PIP5KL1: variants seen among roughly 807,000 people sequenced by gnomAD.
The protein encoded by PIP5KL1 is phosphatidylinositol 4-phosphate 5-kinase-like protein 1.
In PIP5KL1, 45 loss-of-function variants were observed where a neutral mutation model predicts 47.6. The ratio of observed to expected loss-of-function variants is 0.94; its 90% CI spans 0.74 to 1.21. PIP5KL1 has a LOEUF of 1.21. Among genes scored for constraint, PIP5KL1 ranks in the 50% most tolerant of loss-of-function variants. The pLI is 0.00. For missense variants in PIP5KL1, 577 were observed against 547.6 expected, an observed-to-expected ratio of 1.05 and a Z score of -0.54; for synonymous variants, 256 against 234.6, an observed-to-expected ratio of 1.09 and a Z score of -0.84.
intron 9 of PIP5KL1, among the ~76,000 whole-genome samples, chr9:127,923,490 G>T (rs374579583): frequency 3.9e-5 from 6 of 152,376 alleles, no homozygotes; most frequent in Middle Eastern, 3.4e-3. Flanking sequence ...GAATGACAGC[G>T]GTGGCCTAAG....
In PIP5KL1 at chr9:127,929,930, A is replaced by G; in HGVS notation, c.31-45T>C. ...GACACAGCCTGTGGCAGCGTCACAG[A>G]GGAAAAAGATCAGGGTTCAAGTCCC... On this transcript the variant is annotated intron_variant, in intron 1 of 9. Coordinates refer to ENST00000388747, the MANE Select transcript of PIP5KL1 (RefSeq NM_001135219.2). This position sits in a 1 kb window ranked among gnomAD's most constrained non-coding sequence, Gnocchi z 4.0. 7.0e-7 allele frequency: 1 copy of G among 1,435,242 alleles called. No homozygotes were observed. Among genetic ancestry groups the G allele is most frequent in the South Asian group, 1.3e-5 (1 of 74,542 alleles). 88.9% of individuals were successfully genotyped at this position (1,435,242 alleles called of 1,614,324 possible). A position where few individuals can be genotyped will look rare whatever the true frequency, so the allele number is the denominator to read the frequency against.
At position 127,921,527 on chromosome 9, in the gene PIP5KL1, G is replaced by T; in HGVS notation, c.*320C>A. ...ACAGGCTCCGGAATCCAAAAGCCAT[G>T]GTTGAGTCCTGGTTCCAGCATTTAT... On this transcript the variant is annotated 3_prime_UTR_variant, in exon 10 of 10. Coordinates refer to ENST00000388747, the MANE Select transcript of PIP5KL1 (RefSeq NM_001135219.2). 1 of 272,172 alleles carries T rather than the reference G, an allele frequency of 3.7e-6. No homozygotes were observed. Among genetic ancestry groups the T allele is most frequent in the Non-Finnish European group, 7.0e-6 (1 of 142,760 alleles). 16.9% of individuals were successfully genotyped at this position (272,172 alleles called of 1,614,324 possible).
chr9:127,922,105 TTGCACAGACCTGGGGGCCGACA>T lies in PIP5KL1; in HGVS notation c.918-13_926del. ...TCGACTCTTCCGGGCTCTGTGCCCC[TTGCACAGACCTGGGGGCCGACA>T]GGAGGGTGAAGCTGCCAGCTCCTCC... On this transcript the variant is annotated splice_acceptor_variant and splice_polypyrimidine_tract_variant and coding_sequence_variant and intron_variant, in exon 10 of 10. Coordinates refer to ENST00000388747, the MANE Select transcript of PIP5KL1 (RefSeq NM_001135219.2). LOFTEE classifies it high-confidence loss of function. 1 of 1,527,596 alleles carries T rather than the reference TTGCACAGACCTGGGGGCCGACA, an allele frequency of 6.5e-7. No individual in the cohort carries two copies. The highest frequency in any genetic ancestry group is 8.8e-7 in the Non-Finnish European group (1 of 1,136,552). The allele number at this position is 1,527,596 out of a possible 1,614,324, so 94.6% of individuals were successfully genotyped here. A position where few individuals can be genotyped will look rare whatever the true frequency, so the allele number is the denominator to read the frequency against.
intron 7 of PIP5KL1, among the ~76,000 whole-genome samples, 188 bp downstream of exon 7, chr9:127,926,965 G>A (rs532250820): frequency 6.6e-6 from 1 of 152,312 alleles, no homozygotes; most frequent in South Asian, 2.1e-4. Context: ...GGCCCAACAC[G>A]GCGCCTAACG....
At chr9:127,930,608 T>G in intron 1 of PIP5KL1, 115 bp downstream of exon 1, 1 of 1,294,304 alleles carries the variant, frequency 7.7e-7, no homozygotes, top group Non-Finnish European at 1.0e-6. Context: ...CTTCGCCGGC[T>G]GCAGGGCCCC....
chr9:127,927,950 C>T lies in PIP5KL1; in HGVS notation c.434+115G>A. On this transcript the variant is annotated intron_variant, in intron 4 of 9. Coordinates refer to ENST00000388747, the MANE Select transcript of PIP5KL1 (RefSeq NM_001135219.2). This position sits in a 1 kb window ranked among gnomAD's most constrained non-coding sequence, Gnocchi z 5.5. ...GTCCACCATCCGGCCCTGACCCTCC[C>T]AGATTAGGGCCGCTCTGTTTCTCTC... 1 of 1,440,230 alleles carries T rather than the reference C, an allele frequency of 6.9e-7. No homozygotes were observed. The highest frequency in any genetic ancestry group is 9.2e-7 in the Non-Finnish European group (1 of 1,085,942). 89.2% of individuals were successfully genotyped at this position (1,440,230 alleles called of 1,614,324 possible). A position where few individuals can be genotyped will look rare whatever the true frequency, so the allele number is the denominator to read the frequency against.
In PIP5KL1 at chr9:127,927,059, G is replaced by C. The variant is rs1831372432; in HGVS notation, c.650+94C>G. The stretch of plus-strand genomic sequence containing the variant: ...CTTGGGAACGCCCCTTCTCCTTCCT[G>C]GGCCTCGGTTTCACCGTCTGGCTAG... On this transcript the variant is annotated intron_variant, in intron 7 of 9. Coordinates refer to ENST00000388747, the MANE Select transcript of PIP5KL1 (RefSeq NM_001135219.2). The surrounding 1 kb of genome is among the most constrained non-coding windows in gnomAD (Gnocchi z 5.5). The C allele has an allele frequency of 2.2e-6, 3 of 1,377,038 alleles. No individual in the cohort carries two copies. In the African/African-American group the frequency reaches 4.3e-5, roughly 20 times the overall value. 85.3% of individuals were successfully genotyped at this position (1,377,038 alleles called of 1,614,324 possible). A position where few individuals can be genotyped will look rare whatever the true frequency, so the allele number is the denominator to read the frequency against.
In PIP5KL1 at chr9:127,927,831, C is replaced by A; in HGVS notation, c.435-59G>T. On this transcript the variant is annotated intron_variant, in intron 4 of 9. Transcript: ENST00000388747. This position sits in a 1 kb window ranked among gnomAD's most constrained non-coding sequence, Gnocchi z 5.5. ...CCTGGCTGGAGCGGCTCCCACCCGG[C>A]CCCCTTCCCCGACCTGTGCACGTGG... 6.6e-7 allele frequency: 1 copy of A among 1,524,168 alleles called. No homozygotes were observed. The highest frequency in any genetic ancestry group is 8.8e-7 in the Non-Finnish European group (1 of 1,140,952). 94.4% of individuals were successfully genotyped at this position (1,524,168 alleles called of 1,614,324 possible).
rs141675738 is a variant in PIP5KL1, at chr9:127,928,238, C to T, written c.280-19G>A. ...CGAAGCCCTGCAGGGGAGGAAGAGCCTCCTCTGGAGTGTCTGCGTGGGCCC... is the reference window on the plus strand; with the variant it reads ...CGAAGCCCTGCAGGGGAGGAAGAGCTTCCTCTGGAGTGTCTGCGTGGGCCC... On this transcript the variant is annotated intron_variant, in intron 3 of 9. Transcript: ENST00000388747. The T allele has an allele frequency of 4.6e-4, 709 of 1,529,558 alleles. 4 individuals carry two copies. The African/African-American group carries it at 8.5e-3, about 18-fold the overall frequency. The allele number at this position is 1,529,558 out of a possible 1,614,324, so 94.7% of individuals were successfully genotyped here.
intron 9 of PIP5KL1, 86 bp downstream of exon 9, chr9:127,925,021 C>A: frequency 6.5e-7 from 1 of 1,530,430 alleles, no homozygotes; most frequent in Non-Finnish European, 8.9e-7. Flanking sequence ...GGCTGCACTG[C>A]TCCCGGTGCA....
rs920796164 is a variant in PIP5KL1 at position 127,923,893 on chromosome 9, G to A, written c.917+1214C>T. 3.3e-5 allele frequency among the ~76,000 whole-genome samples: 5 copies of A among 152,176 alleles called. No individual in the cohort carries two copies. The East Asian group carries it at 5.8e-4, about 18-fold the overall frequency. On this transcript the variant is annotated intron_variant, in intron 9 of 9. Transcript: ENST00000388747. ...TTCTGCAACCTTGTGTCTGCTTCCC[G>A]AGCCTCAGTTCTCACATTTCTCAAA...
chr9:127,925,528 C>T (rs1831350048), intron 8 of PIP5KL1: 3 of 481,842 alleles, frequency 6.2e-6, no homozygotes, highest in Non-Finnish European at 1.1e-5. Context: ...TGCAGTGGCG[C>T]CATCTCGGCT....
intron 9 of PIP5KL1, among the ~76,000 whole-genome samples, chr9:127,923,968 T>G (rs986665276): frequency 6.6e-6 from 1 of 151,974 alleles, no homozygotes; most frequent in Non-Finnish European, 1.5e-5. Flanking sequence ...CATGAAGGAA[T>G]GACAGTTACC....
At chr9:127,923,044 G>A (rs193189629) in intron 9 of PIP5KL1, among the ~76,000 whole-genome samples, 1 of 152,310 alleles carries the variant, frequency 6.6e-6, no homozygotes, top group East Asian at 1.9e-4. Context: ...AGAAGTCTCA[G>A]GGTTGTGAAG....
chr9:127,929,770 C>A lies in PIP5KL1; in HGVS notation c.146G>T (p.Gly49Val), dbSNP rs747560528. ...GCACGTCATCCCATGCAGTTCATGC[C>A]CCGGGCTGATCTCAAACAGGCCCAG... ...SRLGLFEISP[G>V]HELHGMTCMM... The change falls in exon 2 of 10, where the codon GGG (glycine) becomes GTG (valine). Residue 49 changes from glycine to valine, a missense_variant. Physicochemically the swap from Gly to Val is moderately radical, Grantham distance 109. Transcript: ENST00000388747. The surrounding 1 kb of genome is among the most constrained non-coding windows in gnomAD (Gnocchi z 4.0). The A allele has an allele frequency of 1.7e-5, 27 of 1,570,008 alleles. No homozygotes were observed. Among genetic ancestry groups the A allele is most frequent in the Non-Finnish European group, 2.2e-5 (25 of 1,157,546 alleles).
Position 127,925,985 on chromosome 9 carries a change from TG to T in PIP5KL1, c.651-7del, listed in dbSNP as rs756827882. The T allele has an allele frequency of 7.5e-6, 12 of 1,601,612 alleles. No individual in the cohort carries two copies. The highest frequency in any genetic ancestry group is 9.4e-6 in the Non-Finnish European group (11 of 1,171,054). On this transcript the variant is annotated splice_polypyrimidine_tract_variant and splice_region_variant and intron_variant, in intron 7 of 9. Coordinates refer to ENST00000388747, the MANE Select transcript of PIP5KL1 (RefSeq NM_001135219.2). ...CGCAGCCTTTGATGTCATACCTGGG[TG>T]GGGGGACAGAATTCAGCTTTACATA...
Position 127,927,421 on chromosome 9 carries a change from C to G in PIP5KL1, c.560-90G>C. ...CAATCCCAGCGCCAGGCCACGCCTCCTTCTCAAGATCCGCGGCACCTGGAC... is the reference window on the plus strand; with the variant it reads ...CAATCCCAGCGCCAGGCCACGCCTCGTTCTCAAGATCCGCGGCACCTGGAC... On this transcript the variant is annotated intron_variant, in intron 5 of 9. Transcript: ENST00000388747. The surrounding 1 kb of genome is among the most constrained non-coding windows in gnomAD (Gnocchi z 5.5). 6.6e-7 allele frequency: 1 copy of G among 1,519,046 alleles called. No individual in the cohort carries two copies. The highest frequency in any genetic ancestry group is 8.8e-7 in the Non-Finnish European group (1 of 1,135,662). 94.1% of individuals were successfully genotyped at this position (1,519,046 alleles called of 1,614,324 possible).
At position 127,925,488 on chromosome 9, in the gene PIP5KL1, C is replaced by G. The variant is rs1189908327; in HGVS notation, c.764-228G>C. The G allele has an allele frequency of 9.3e-6, 5 of 537,022 alleles. No homozygotes were observed. In the African/African-American group the frequency reaches 9.5e-5, roughly 10 times the overall value. 33.3% of individuals were successfully genotyped at this position (537,022 alleles called of 1,614,324 possible). A position where few individuals can be genotyped will look rare whatever the true frequency, so the allele number is the denominator to read the frequency against. On this transcript the variant is annotated intron_variant, in intron 8 of 9. Coordinates refer to ENST00000388747, the MANE Select transcript of PIP5KL1 (RefSeq NM_001135219.2). ...TTTATTTTTATTTTATTTTTTGAGACAGAGTCTTGCTCTGTCGCACAGGCT... is the reference window on the plus strand; with the variant it reads ...TTTATTTTTATTTTATTTTTTGAGAGAGAGTCTTGCTCTGTCGCACAGGCT...
chr9:127,928,423 G>C lies in PIP5KL1; in HGVS notation c.279+10C>G. 1 of 1,597,030 alleles carries C rather than the reference G, an allele frequency of 6.3e-7. No individual in the cohort carries two copies. The highest frequency in any genetic ancestry group is 8.5e-7 in the Non-Finnish European group (1 of 1,172,954). On this transcript the variant is annotated intron_variant, in intron 3 of 9. Transcript: ENST00000388747. ...CACGTCCCTCCCACACGGGAGTCTG[G>C]GCCTCCTACCTCGTGAACCTGGGTT...
Sources: gnomAD v4.1 joint callset for allele counts (sites outside exome capture counted in the v4.1 genomes callset) on GRCh38, gnomAD v4.1.1 for gene constraint, Gnocchi (gnomAD v3.1) non-coding constraint, MANE v1.5 for transcripts, NCBI Gene and HGNC (gene_info 2026-07-23, HGNC 2026-07-21) for gene names.